KDM1B: variants seen among roughly 807,000 people sequenced by gnomAD.
The protein encoded by KDM1B is lysine demethylase 1B, also known as lysine-specific histone demethylase 2.
A neutral mutation model predicts 107.4 loss-of-function variants in KDM1B; 63 were observed. The ratio of observed to expected loss-of-function variants is 0.59; its 90% CI spans 0.48 to 0.72. The LOEUF (loss-of-function observed/expected upper bound fraction) is 0.72, where lower values mean the gene tolerates loss of function less well. KDM1B is among the 30% of genes least tolerant of loss of function. The pLI, the probability that KDM1B is intolerant of heterozygous loss-of-function variation, is 0.00. For synonymous variants in KDM1B, 363 were observed against 363.9 expected (o/e 1.00, Z 0.03); for missense variants, 749 against 1,020.8 (o/e 0.73, Z 3.63).
Position 18,201,771 on chromosome 6 carries a change from C to G in KDM1B, c.1531+114C>G, listed in dbSNP as rs1466531152. The G allele has an allele frequency of 1.1e-6, 1 of 871,638 alleles. No individual in the cohort carries two copies. Among genetic ancestry groups the G allele is most frequent in the East Asian group, 2.7e-5 (1 of 37,174 alleles). The allele number at this position is 871,638 out of a possible 1,614,324, so 54.0% of individuals were successfully genotyped here. A position where few individuals can be genotyped will look rare whatever the true frequency, so the allele number is the denominator to read the frequency against. On this transcript the variant is annotated intron_variant, in intron 14 of 21. Coordinates refer to ENST00000650836, the MANE Select transcript of KDM1B (RefSeq NM_001364614.2). This position sits in a 1 kb window ranked among gnomAD's most constrained non-coding sequence, Gnocchi z 4.3. ...CGGATGTCGGCAACAGGGTAGCCCTCCTGAGCATTTCTTTTGGACTGATGG... is the reference window on the plus strand; with the variant it reads ...CGGATGTCGGCAACAGGGTAGCCCTGCTGAGCATTTCTTTTGGACTGATGG...
intron 20 of KDM1B, among the ~76,000 whole-genome samples, chr6:18,217,471 T>C (rs545953558): frequency 3.3e-5 from 5 of 150,630 alleles, no homozygotes; most frequent in East Asian, 2.0e-4. Context: ...CTCCGCCTCC[T>C]GGGTTCACGC....
rs1788702729 is a variant in KDM1B, at chr6:18,209,854, G to C, written c.1866+1648G>C. On this transcript the variant is annotated intron_variant, in intron 17 of 21. Transcript: ENST00000650836. The surrounding 1 kb of genome is among the most constrained non-coding windows in gnomAD (Gnocchi z 4.3). ...TTGTCTGCAGTGACCTTTTCTGTAA[G>C]CTCTTAATAGGTTTTGCCTGGTGGT... Among the ~76,000 whole-genome samples the C allele has an allele frequency of 6.6e-6, 1 of 152,172 alleles. No homozygotes were observed. Among genetic ancestry groups the C allele is most frequent in the South Asian group, 2.1e-4 (1 of 4,830 alleles).
chr6:18,187,781 G>T lies in KDM1B; in HGVS notation c.574-11G>T. 1 of 1,514,808 alleles carries T rather than the reference G, an allele frequency of 6.6e-7. No homozygotes were observed. The highest frequency in any genetic ancestry group is 9.0e-7 in the Non-Finnish European group (1 of 1,114,864). 93.8% of individuals were successfully genotyped at this position (1,514,808 alleles called of 1,614,324 possible). A position where few individuals can be genotyped will look rare whatever the true frequency, so the allele number is the denominator to read the frequency against. On this transcript the variant is annotated splice_polypyrimidine_tract_variant and intron_variant, in intron 8 of 21. Coordinates refer to ENST00000650836, the MANE Select transcript of KDM1B (RefSeq NM_001364614.2). Reference sequence around the variant, plus strand: ...TCCTTGTCTCTCTTCTTCCTGTCTGGCCCATTGCAGAGAGTATTGGAAGTT... The same window carrying T: ...TCCTTGTCTCTCTTCTTCCTGTCTGTCCCATTGCAGAGAGTATTGGAAGTT...
At chr6:18,181,987 T>C (rs543641019) in intron 7 of KDM1B, among the ~76,000 whole-genome samples, 1 of 152,324 alleles carries the variant, frequency 6.6e-6, no homozygotes, top group South Asian at 2.1e-4. Flanking sequence ...TTACTCTGAC[T>C]TATATGTTTA....
intron 7 of KDM1B, among the ~76,000 whole-genome samples, chr6:18,174,115 G>T (rs1353273772): frequency 2.6e-5 from 4 of 152,106 alleles, no homozygotes; most frequent in African/African-American, 9.7e-5. Flanking sequence ...AAAATCAATT[G>T]GCCGTATGTG....
chr6:18,200,163 C>T lies in KDM1B; in HGVS notation c.1222-276C>T, dbSNP rs965828215. ...TGCTGGTATTACAGGCATGAGCTAT[C>T]GCATCTGGCCTAGTTCATCAAATCT... On this transcript the variant is annotated intron_variant, in intron 12 of 21. Transcript: ENST00000650836. The surrounding 1 kb of genome is among the most constrained non-coding windows in gnomAD (Gnocchi z 4.3). Among the ~76,000 whole-genome samples the T allele has an allele frequency of 3.3e-5, 5 of 152,314 alleles. No individual in the cohort carries two copies. Among genetic ancestry groups the T allele is most frequent in the African/African-American group, 4.8e-5 (2 of 41,570 alleles).
chr6:18,210,006 C>T (rs1788713224), intron 17 of KDM1B, among the ~76,000 whole-genome samples: 1 of 152,204 alleles, frequency 6.6e-6, no homozygotes, highest in East Asian at 1.9e-4. Context: ...TGCTTTGTTA[C>T]TCTCTGCCTG....
In KDM1B at chr6:18,209,572, A is replaced by G. The variant is rs1257603054; in HGVS notation, c.1866+1366A>G. On this transcript the variant is annotated intron_variant, in intron 17 of 21. Coordinates refer to ENST00000650836, the MANE Select transcript of KDM1B (RefSeq NM_001364614.2). This position sits in a 1 kb window ranked among gnomAD's most constrained non-coding sequence, Gnocchi z 4.3. ...TTACAAAGAAAGGCTGGAAAGCCCC[A>G]CCCTGATGCGTTCTTGTTGAATTGG... Among the ~76,000 whole-genome samples the G allele has an allele frequency of 6.6e-6, 1 of 152,172 alleles. No homozygotes were observed. The highest frequency in any genetic ancestry group is 1.5e-5 in the Non-Finnish European group (1 of 68,028).
In KDM1B at chr6:18,222,066, T is replaced by TA; in HGVS notation, c.*76dup. On this transcript the variant is annotated 3_prime_UTR_variant, in exon 22 of 22. Coordinates refer to ENST00000650836, the MANE Select transcript of KDM1B (RefSeq NM_001364614.2). ...AATCACATGTTAAACCTCAGTTTTA[T>TA]AAGAGGGGGAAAAAACCGTCTCTAC... 1 of 1,340,508 alleles carries TA rather than the reference T, an allele frequency of 7.5e-7. No individual in the cohort carries two copies. Among genetic ancestry groups the TA allele is most frequent in the Non-Finnish European group, 1.1e-6 (1 of 930,606 alleles). 83.0% of individuals were successfully genotyped at this position (1,340,508 alleles called of 1,614,324 possible).
rs752633222 is a variant in KDM1B, at chr6:18,215,052, G to A, written c.2155G>A (p.Ala719Thr). The change falls in exon 20 of 22, where the codon GCA becomes ACA. Residue 719 changes from alanine to threonine, a missense_variant. Transcript: ENST00000650836. ...LMSVIAGEAV[A>T]SVRTLDDKQV... ...GTCTGTGATTGCCGGGGAGGCTGTC[G>A]CATCCGTGAGGACCCTGGATGACAA... The A allele has an allele frequency of 1.1e-5, 17 of 1,613,832 alleles. No homozygotes were observed. The highest frequency in any genetic ancestry group is 1.7e-5 in the Admixed American group (1 of 60,006).
At position 18,187,868 on chromosome 6, in the gene KDM1B, C is replaced by T. The variant is rs931550253; in HGVS notation, c.650C>T (p.Ala217Val). 1.0e-5 allele frequency: 16 copies of T among 1,550,252 alleles called. No individual in the cohort carries two copies. The highest frequency in any genetic ancestry group is 2.7e-5 in the African/African-American group (2 of 73,006). Residue 217 changes from alanine to valine, a missense_variant, in exon 9 of 22, where the codon GCG (alanine) becomes GTG (valine). By Grantham distance (64) the Ala-to-Val change is moderately conservative. Transcript: ENST00000650836. ...CCTTTGCTGAAAGACAGTGTGGCAG[C>T]GCCCCTGCTGTCTGCCTACTACCCT... ...LPPLLKDSVA[A>V]PLLSAYYPDC...
At position 18,223,277 on chromosome 6, in the gene KDM1B, A is replaced by ATACC. The variant is rs1403283283; in HGVS notation, c.*1288_*1291dup. 4 of 152,422 alleles carry ATACC rather than the reference A, an allele frequency of 2.6e-5. No individual in the cohort carries two copies. The highest frequency in any genetic ancestry group is 5.9e-5 in the Non-Finnish European group (4 of 68,020). The allele number at this position is 152,422 out of a possible 1,614,324, so 9.4% of individuals were successfully genotyped here. A position where few individuals can be genotyped will look rare whatever the true frequency, so the allele number is the denominator to read the frequency against. On this transcript the variant is annotated 3_prime_UTR_variant, in exon 22 of 22. Transcript: ENST00000650836. Reference sequence around the variant, plus strand: ...AAGTAGGTCAGTTTATAACGAGTAAATACCTAACACACCAAGAATGTGCAG... The same window carrying ATACC: ...AAGTAGGTCAGTTTATAACGAGTAAATACCTACCTAACACACCAAGAATGTGCAG...
At chr6:18,163,938 T>G (rs1785124577) in intron 5 of KDM1B, among the ~76,000 whole-genome samples, 1 of 147,800 alleles carries the variant, frequency 6.8e-6, no homozygotes, top group Admixed American at 7.0e-5. Flanking sequence ...CCAAGTTGAT[T>G]GATAGTGCAG....
rs1018326833 is a variant in KDM1B, at chr6:18,223,789, G to A, written c.*1797G>A. 6.6e-6 allele frequency: 1 copy of A among 152,132 alleles called. No homozygotes were observed. Among genetic ancestry groups the A allele is most frequent in the Non-Finnish European group, 1.5e-5 (1 of 68,018 alleles). The allele number at this position is 152,132 out of a possible 1,614,324, so 9.4% of individuals were successfully genotyped here. ...AGCAGTAAATATACAGATTTACAAT[G>A]TTTTAACTACAGTTCATGAATAGCT... is the stretch of plus-strand genomic sequence containing the variant. On this transcript the variant is annotated 3_prime_UTR_variant, in exon 22 of 22. Coordinates refer to ENST00000650836, the MANE Select transcript of KDM1B (RefSeq NM_001364614.2).
intron 7 of KDM1B, among the ~76,000 whole-genome samples, chr6:18,184,216 T>G (rs1158560744): frequency 6.6e-6 from 1 of 152,030 alleles, no homozygotes; most frequent in Non-Finnish European, 1.5e-5. Context: ...GTTTTGTTTT[T>G]TTGCTTGCTT....
intron 7 of KDM1B, among the ~76,000 whole-genome samples, chr6:18,175,408 G>A (rs1785928970): frequency 6.6e-6 from 1 of 152,148 alleles, no homozygotes; most frequent in Non-Finnish European, 1.5e-5. Context: ...TATAGGTTGT[G>A]AAGATTTTCT....
At position 18,197,280 on chromosome 6, in the gene KDM1B, A is replaced by G; in HGVS notation, c.1146+47A>G. 2 of 1,517,868 alleles carry G rather than the reference A, an allele frequency of 1.3e-6. No homozygotes were observed. Among genetic ancestry groups the G allele is most frequent in the Non-Finnish European group, 9.0e-7 (1 of 1,105,954 alleles). The allele number at this position is 1,517,868 out of a possible 1,614,324, so 94.0% of individuals were successfully genotyped here. A position where few individuals can be genotyped will look rare whatever the true frequency, so the allele number is the denominator to read the frequency against. On this transcript the variant is annotated intron_variant, in intron 11 of 21. Transcript: ENST00000650836. The surrounding 1 kb of genome is among the most constrained non-coding windows in gnomAD (Gnocchi z 4.5). ...GATAGCCTTGCCATTGATCAGGACA[A>G]ACGCTAGTCTGTTGCTGTTAATAAA...
rs1283085308 is a variant in KDM1B at position 18,209,959 on chromosome 6, C to A, written c.1866+1753C>A. ...CCTCTGCTGTTCTGTAGCTCCACTT[C>A]TTGGTGTCCAGGACAGCAAGCTGGT... On this transcript the variant is annotated intron_variant, in intron 17 of 21. Transcript: ENST00000650836. This position sits in a 1 kb window ranked among gnomAD's most constrained non-coding sequence, Gnocchi z 4.3. Among the ~76,000 whole-genome samples, 3 of 152,164 alleles carry A rather than the reference C, an allele frequency of 2.0e-5. No individual in the cohort carries two copies. Among genetic ancestry groups the A allele is most frequent in the African/African-American group, 7.2e-5 (3 of 41,434 alleles).
At chr6:18,177,222 A>G (rs1363141603) in intron 7 of KDM1B, among the ~76,000 whole-genome samples, 2 of 152,130 alleles carry the variant, frequency 1.3e-5, no homozygotes, top group Non-Finnish European at 2.9e-5. Context: ...GAATTTGTCC[A>G]TGTCTTCTAG....
Sources: allele counts gnomAD v4.1 joint callset (sites outside exome capture counted in the v4.1 genomes callset), GRCh38; gene constraint gnomAD v4.1.1; non-coding constraint Gnocchi (gnomAD v3.1); transcripts MANE v1.5; gene names NCBI Gene and HGNC (gene_info 2026-07-23, HGNC 2026-07-21).